PLA2R1: variants seen among roughly 807,000 people sequenced by gnomAD.
The protein encoded by PLA2R1 is secretory phospholipase A2 receptor.
A neutral mutation model predicts 195.9 loss-of-function variants in PLA2R1; 158 were observed. The ratio of observed to expected loss-of-function variants is 0.81; its 90% CI spans 0.71 to 0.92. The LOEUF (loss-of-function observed/expected upper bound fraction) is 0.92, where lower values mean the gene tolerates loss of function less well. PLA2R1 is among the 40% of genes least tolerant of loss of function. The pLI, the probability that PLA2R1 is intolerant of heterozygous loss-of-function variation, is 0.00. For synonymous variants in PLA2R1, 586 were observed against 598.2 expected, an observed-to-expected ratio of 0.98 and a Z score of 0.30; for missense variants, 1,626 against 1,764.6, an observed-to-expected ratio of 0.92 and a Z score of 1.41.
At position 159,956,578 on chromosome 2, in the gene PLA2R1, G is replaced by T. The variant is rs112080367; in HGVS notation, c.2954C>A (p.Thr985Lys). 11 of 1,613,698 alleles carry T rather than the reference G, an allele frequency of 6.8e-6. No homozygotes were observed. The highest frequency in any genetic ancestry group is 6.7e-5 in the African/African-American group (5 of 75,028). ...TTCAGCACAGAAATGTTGAGCATGCGTCCAGTTCTTCCAACTGCTTGGGTC... is the reference window on the plus strand; with the variant it reads ...TTCAGCACAGAAATGTTGAGCATGCTTCCAGTTCTTCCAACTGCTTGGGTC... ...PKDPSSWKNW[T>K]HAQHFCAEEG... Residue 985 changes from threonine to lysine, a missense_variant, in exon 21 of 30, where the codon ACG (threonine) becomes AAG (lysine). By Grantham distance (78) the Thr-to-Lys change is moderately conservative. Coordinates refer to ENST00000283243, the MANE Select transcript of PLA2R1 (RefSeq NM_007366.5).
At position 159,976,846 on chromosome 2, in the gene PLA2R1, A is replaced by G. The variant is rs892647833; in HGVS notation, c.2402-126T>C. On this transcript the variant is annotated intron_variant, in intron 15 of 29. Transcript: ENST00000283243. ...TAAAACATCACTTTAAAACAGGTAC[A>G]TTGTGCTGTTTGGAATATATGGTGA... 25 of 734,222 alleles carry G rather than the reference A, an allele frequency of 3.4e-5. No individual in the cohort carries two copies. In the Admixed American group the frequency reaches 4.6e-4, roughly 13 times the overall value. The allele number at this position is 734,222 out of a possible 1,614,324, so 45.5% of individuals were successfully genotyped here.
chr2:160,004,115 G>A (rs1195866178), intron 11 of PLA2R1, among the ~76,000 whole-genome samples: 1 of 152,178 alleles, frequency 6.6e-6, no homozygotes, highest in Admixed American at 6.5e-5. Context: ...ATGTTGGGAA[G>A]GTGAAGAGAA....
intron 1 of PLA2R1, among the ~76,000 whole-genome samples, chr2:160,059,370 A>G (rs1695797112): frequency 6.6e-6 from 1 of 152,164 alleles, no homozygotes; most frequent in Non-Finnish European, 1.5e-5. Context: ...AGTAATTGTT[A>G]TGGGGCTGTC....
chr2:159,941,751 T>C lies in PLA2R1; in HGVS notation c.*27A>G, dbSNP rs1481516052. The C allele has an allele frequency of 8.1e-7, 1 of 1,232,432 alleles. No individual in the cohort carries two copies. Among genetic ancestry groups the C allele is most frequent in the South Asian group, 1.2e-5 (1 of 81,594 alleles). 76.3% of individuals were successfully genotyped at this position (1,232,432 alleles called of 1,614,324 possible). A position where few individuals can be genotyped will look rare whatever the true frequency, so the allele number is the denominator to read the frequency against. The stretch of plus-strand genomic sequence containing the variant: ...GTTTAGTCTTCTTTACTTACCCTGG[T>C]GTCTGTGGCATTCTCTGACCTCATT... On this transcript the variant is annotated 3_prime_UTR_variant, in exon 30 of 30. Transcript: ENST00000283243.
chr2:160,060,892 T>A (rs1441992136), intron 1 of PLA2R1, among the ~76,000 whole-genome samples: 1 of 152,164 alleles, frequency 6.6e-6, no homozygotes, highest in Non-Finnish European at 1.5e-5. Context: ...TGGGAAGGAA[T>A]CATACATACT....
chr2:159,949,562 G>T, intron 25 of PLA2R1, 46 bp downstream of exon 25: 1 of 1,388,928 alleles, frequency 7.2e-7, no homozygotes, highest in Non-Finnish European at 1.0e-6. Flanking sequence ...CTTGCATACA[G>T]TAGTTAAATA....
Position 160,010,440 on chromosome 2 carries a change from A to C in PLA2R1, c.1664+2823T>G, listed in dbSNP as rs77357706. Among the ~76,000 whole-genome samples, 692 of 152,360 alleles carry C rather than the reference A, an allele frequency of 4.5e-3. 2 individuals are homozygous for C. The highest frequency in any genetic ancestry group is 0.016 in the African/African-American group (657 of 41,580). ...TATTCCACAAAGTGTTAAAAGTCTT[A>C]GACCAGGAGCAGTTGCCTGATCACA... On this transcript the variant is annotated intron_variant, in intron 10 of 29. Coordinates refer to ENST00000283243, the MANE Select transcript of PLA2R1 (RefSeq NM_007366.5).
Position 159,987,271 on chromosome 2 carries a change from G to C in PLA2R1, c.1922C>G (p.Ser641Cys). ...ATTTTCAACTGGCTGCTTGCACAAG[G>C]ACATTGCCTTAAAGTGCCGACAGTG... is the stretch of plus-strand genomic sequence containing the variant. ...VKHCRHFKAM[S>C]LCKQPVENQE... The change falls in exon 12 of 30, where the codon TCC (serine) becomes TGC (cysteine). Residue 641 changes from serine to cysteine, a missense_variant. Ser to Cys is a moderately radical substitution (Grantham distance 112). Coordinates refer to ENST00000283243, the MANE Select transcript of PLA2R1 (RefSeq NM_007366.5). The C allele has an allele frequency of 6.2e-7, 1 of 1,613,316 alleles. No individual in the cohort carries two copies. Among genetic ancestry groups the C allele is most frequent in the South Asian group, 1.1e-5 (1 of 91,050 alleles).
chr2:160,040,846 G>A (rs1694479060), intron 3 of PLA2R1, among the ~76,000 whole-genome samples: 1 of 152,214 alleles, frequency 6.6e-6, no homozygotes, highest in African/African-American at 2.4e-5. Context: ...TATTGTTGCT[G>A]CTGCTTCTGG....
rs117121681 is a variant in PLA2R1 at position 159,934,815 on chromosome 2, G to T, written c.*6963C>A. 1.3e-5 allele frequency: 2 copies of T among 152,188 alleles called. No individual in the cohort carries two copies. The highest frequency in any genetic ancestry group is 1.9e-4 in the East Asian group (1 of 5,176). The allele number at this position is 152,188 out of a possible 1,614,324, so 9.4% of individuals were successfully genotyped here. On this transcript the variant is annotated 3_prime_UTR_variant, in exon 30 of 30. Coordinates refer to ENST00000283243, the MANE Select transcript of PLA2R1 (RefSeq NM_007366.5). ...ACCATGGTATAATCATCAAAACAAAGAAACTAATACTGGTACAATACTATT... is the reference window on the plus strand; with the variant it reads ...ACCATGGTATAATCATCAAAACAAATAAACTAATACTGGTACAATACTATT...
chr2:159,972,102 C>G (rs942195015), intron 17 of PLA2R1, among the ~76,000 whole-genome samples: 3 of 152,024 alleles, frequency 2.0e-5, no homozygotes, highest in Non-Finnish European at 2.9e-5. Flanking sequence ...GTTCACTGCC[C>G]CAATTAAGGA....
chr2:160,025,782 C>T (rs894207545), intron 6 of PLA2R1, among the ~76,000 whole-genome samples: 1 of 151,858 alleles, frequency 6.6e-6, no homozygotes, highest in Non-Finnish European at 1.5e-5. Context: ...CTTTACCTAT[C>T]GGAATAATTA....
chr2:159,974,981 G>C (rs1008774045), intron 17 of PLA2R1, among the ~76,000 whole-genome samples: 6 of 152,146 alleles, frequency 3.9e-5, no homozygotes, highest in African/African-American at 1.4e-4. Flanking sequence ...AAAGATGATA[G>C]AGTTAGAAAG....
At chr2:159,929,868 G>GTATATATATATA (rs201374077), downstream of PLA2R1, among the ~76,000 whole-genome samples, 6 of 120,256 alleles carry the variant, frequency 5.0e-5, no homozygotes, top group African/African-American at 1.6e-4. Context: ...GTGTGTGTGT[G>GTATATATATATA]TGTGTATATA....
At chr2:160,044,514 A>G (rs1257356567) in intron 2 of PLA2R1, among the ~76,000 whole-genome samples, 5 of 152,082 alleles carry the variant, frequency 3.3e-5, no homozygotes, top group Non-Finnish European at 7.4e-5. Flanking sequence ...ATTGATTCCC[A>G]GAGTCAGTTA....
chr2:159,985,942 G>C (rs1228460559), intron 12 of PLA2R1, among the ~76,000 whole-genome samples: 23 of 152,066 alleles, frequency 1.5e-4, no homozygotes, highest in Admixed American at 1.5e-3. Flanking sequence ...AGGATGTCTT[G>C]TAATACTTTT....
intron 12 of PLA2R1, among the ~76,000 whole-genome samples, chr2:159,986,102 G>A (rs886859356): frequency 6.6e-6 from 1 of 152,060 alleles, no homozygotes; most frequent in Non-Finnish European, 1.5e-5. Flanking sequence ...GGCTCACCAT[G>A]GATCCTAGAC....
At chr2:159,969,915 T>C (rs1037012393) in intron 18 of PLA2R1, among the ~76,000 whole-genome samples, 2 of 152,174 alleles carry the variant, frequency 1.3e-5, no homozygotes, top group African/African-American at 4.8e-5. Context: ...AATAAATGAA[T>C]AGAGCAGGAA....
chr2:160,018,231 A>C (rs1464959405), intron 8 of PLA2R1, among the ~76,000 whole-genome samples: 1 of 152,206 alleles, frequency 6.6e-6, no homozygotes, highest in Non-Finnish European at 1.5e-5. Context: ...ATCTCTGTCC[A>C]AATATTGGCT....
Sources: allele counts gnomAD v4.1 joint callset (sites outside exome capture counted in the v4.1 genomes callset), GRCh38; gene constraint gnomAD v4.1.1; transcripts MANE v1.5; gene names NCBI Gene and HGNC (gene_info 2026-07-23, HGNC 2026-07-21).